The following RANBP2 variants were observed in gnomAD, a reference collection of about 807,000 sequenced individuals.
RANBP2 encodes E3 SUMO-protein ligase RanBP2.
In RANBP2, 57 loss-of-function variants were observed where a neutral mutation model predicts 303.6. That is an observed-to-expected ratio of 0.19 (90% CI 0.15 to 0.23). The LOEUF is 0.23. Among genes scored for constraint, RANBP2 ranks in the 10% least tolerant of loss-of-function variants. The pLI is 1.00. For missense variants in RANBP2, 3,138 were observed against 3,780.8 expected (o/e 0.83, Z 4.46); for synonymous variants, 1,167 against 1,301.5 (o/e 0.90, Z 2.23).
chr2:109,334,358 TAAAAAA>T, the RANBP2 span, among the ~76,000 whole-genome samples: 2 of 126,120 alleles, frequency 1.6e-5, no homozygotes, highest in African/African-American at 6.0e-5. Flanking sequence ...TTTTTTCCTT[TAAAAAA>T]AAAAAAAAAA....
chr2:108,925,566 TCAAGCTATG>T, the RANBP2 span, among the ~76,000 whole-genome samples: 1 of 152,170 alleles, frequency 6.6e-6, no homozygotes, highest in Admixed American at 6.5e-5. Flanking sequence ...TGTGTATGGG[TCAAGCTATG>T]CAACCTATCA....
At chr2:108,724,470 T>C (rs1181505448) in intron 1 of RANBP2, among the ~76,000 whole-genome samples, 1 of 152,214 alleles carries the variant, frequency 6.6e-6, no homozygotes, top group African/African-American at 2.4e-5. Flanking sequence ...AATTTTTTTT[T>C]CGCAATTTTG....
chr2:109,277,226 T>A, the RANBP2 span, among the ~76,000 whole-genome samples: 1 of 152,140 alleles, frequency 6.6e-6, no homozygotes, highest in African/African-American at 2.4e-5. Flanking sequence ...TGCCCTGCAT[T>A]TCGGATGTGT....
At chr2:109,614,363 C>T in the RANBP2 span, 185 of 804,668 alleles carry the variant, frequency 2.3e-4, no homozygotes, top group Non-Finnish European at 2.9e-4. Context: ...CCTCTGGCCT[C>T]AGACGCGTAG....
At chr2:109,620,734 A>G in the RANBP2 span, among the ~76,000 whole-genome samples, 2 of 152,278 alleles carry the variant, frequency 1.3e-5, no homozygotes, top group East Asian at 3.9e-4. Context: ...GTTTCCTTAC[A>G]AGCTGACTCA....
the RANBP2 span, among the ~76,000 whole-genome samples, chr2:109,299,549 G>T: frequency 6.6e-6 from 1 of 152,102 alleles, no homozygotes; most frequent in Non-Finnish European, 1.5e-5. Context: ...TGCGCTCCCA[G>T]GGGAGTCACC....
chr2:109,365,925 T>C, the RANBP2 span, among the ~76,000 whole-genome samples: 1 of 152,224 alleles, frequency 6.6e-6, no homozygotes, highest in African/African-American at 2.4e-5. Context: ...TTTAAAAAAA[T>C]TTCAGAGTGG....
the RANBP2 span, chr2:109,399,024 C>A: frequency 1.4e-6 from 2 of 1,402,124 alleles, no homozygotes; most frequent in Non-Finnish European, 1.9e-6. Context: ...GTCCCCCGTT[C>A]CTCAACTAGC....
At chr2:109,240,985 C>A in the RANBP2 span, among the ~76,000 whole-genome samples, 1 of 152,040 alleles carries the variant, frequency 6.6e-6, no homozygotes, top group Non-Finnish European at 1.5e-5. Context: ...TCCACATCTC[C>A]CCAAAAACTC....
At chr2:108,736,845 G>T (rs897129564) in intron 6 of RANBP2, among the ~76,000 whole-genome samples, 108 of 152,128 alleles carry the variant, frequency 7.1e-4, no homozygotes, top group Non-Finnish European at 1.4e-3. Context: ...AGAACTTGTG[G>T]GCCAAATATG....
chr2:109,670,464 G>A, the RANBP2 span, among the ~76,000 whole-genome samples: 1 of 151,940 alleles, frequency 6.6e-6, no homozygotes, highest in African/African-American at 2.4e-5. Context: ...ACAACTGCCC[G>A]AGGCAGATGT....
the RANBP2 span, among the ~76,000 whole-genome samples, chr2:109,424,563 G>A: frequency 3.4e-4 from 52 of 152,290 alleles, no homozygotes; most frequent in African/African-American, 1.1e-3. Context: ...TGCTCACTTC[G>A]AGTCTCTGTG....
the RANBP2 span, chr2:109,490,672 C>T: frequency 2.6e-6 from 4 of 1,521,880 alleles, no homozygotes; most frequent in Non-Finnish European, 2.6e-6. Flanking sequence ...TCACGCTCCC[C>T]GCCATCTGTG....
At chr2:109,619,647 C>T in the RANBP2 span, among the ~76,000 whole-genome samples, 1 of 152,126 alleles carries the variant, frequency 6.6e-6, no homozygotes, top group Non-Finnish European at 1.5e-5. Context: ...TTCAGGATCA[C>T]TGAAAGACTA....
chr2:109,445,558 A>G, the RANBP2 span, among the ~76,000 whole-genome samples: 1 of 152,228 alleles, frequency 6.6e-6, no homozygotes, highest in Admixed American at 6.5e-5. Flanking sequence ...CTAAAAGAGG[A>G]CAAGGTATAG....
the RANBP2 span, among the ~76,000 whole-genome samples, chr2:109,419,879 T>A: frequency 2.0e-5 from 3 of 152,220 alleles, no homozygotes; most frequent in African/African-American, 2.4e-5. Flanking sequence ...ATATTCAGAG[T>A]ATTCACAGTG....
At chr2:108,870,042 T>A in the RANBP2 span, among the ~76,000 whole-genome samples, 3 of 152,136 alleles carry the variant, frequency 2.0e-5, no homozygotes, top group African/African-American at 7.2e-5. Flanking sequence ...TGAGAAATAA[T>A]GAAATCAGGG....
chr2:109,614,696 T>G, the RANBP2 span: 31 of 1,487,968 alleles, frequency 2.1e-5, no homozygotes, highest in African/African-American at 3.8e-4. Flanking sequence ...TGCGCGTCGA[T>G]CCCGCCGACG....
At chr2:108,832,766 A>C in the RANBP2 span, among the ~76,000 whole-genome samples, 2 of 152,308 alleles carry the variant, frequency 1.3e-5, no homozygotes, top group African/African-American at 4.8e-5. Flanking sequence ...ACAGACACCT[A>C]GTAGTTGAAG....
Sources: allele counts gnomAD v4.1 joint callset (sites outside exome capture counted in the v4.1 genomes callset), GRCh38; gene constraint gnomAD v4.1.1; transcripts MANE v1.5; gene names NCBI Gene and HGNC (gene_info 2026-07-23, HGNC 2026-07-21).